Variants in SMIM14 observed in about 807,000 individuals in gnomAD.
SMIM14 encodes the protein small integral membrane protein 14.
A neutral mutation model predicts 12.6 loss-of-function variants in SMIM14; 5 were observed. That is an observed-to-expected ratio of 0.40 (90% CI 0.21 to 0.83). The LOEUF is 0.83. Among genes scored for constraint, SMIM14 ranks in the 40% least tolerant of loss-of-function variants. The pLI, the probability that SMIM14 is intolerant of heterozygous loss-of-function variation, is 0.37. For synonymous variants in SMIM14, 30 were observed against 40.1 expected, an observed-to-expected ratio of 0.75 and a Z score of 0.95; for missense variants, 86 against 119.1, an observed-to-expected ratio of 0.72 and a Z score of 1.29.
chr4:39,601,958 A>C (rs1448711440), intron 2 of SMIM14, among the ~76,000 whole-genome samples: 2 of 146,384 alleles, frequency 1.4e-5, no homozygotes, highest in African/African-American at 4.9e-5. Flanking sequence ...AAAAAAAAAA[A>C]ACAAAAAAAA....
chr4:39,628,716 TTTTC>T (rs1715793293), intron 1 of SMIM14, among the ~76,000 whole-genome samples: 2 of 147,718 alleles, frequency 1.4e-5, no homozygotes, highest in Admixed American at 6.7e-5. Context: ...AGGAAAATGT[TTTTC>T]TTTTTTTTTT....
chr4:39,620,295 C>T (rs1457967115), intron 1 of SMIM14, among the ~76,000 whole-genome samples: 3 of 151,798 alleles, frequency 2.0e-5, no homozygotes, highest in Non-Finnish European at 2.9e-5. Flanking sequence ...CTGCCTAACA[C>T]GCTGAAACCC....
intron 2 of SMIM14, among the ~76,000 whole-genome samples, chr4:39,601,709 G>A (rs140766559): frequency 2.3e-4 from 35 of 152,310 alleles, no homozygotes; most frequent in African/African-American, 8.2e-4. Flanking sequence ...CACTTTGGGA[G>A]GCTAAGGCGG....
chr4:39,548,415 A>G lies in SMIM14; in HGVS notation c.*3711T>C, dbSNP rs1457312504. 2 of 150,084 alleles carry G rather than the reference A, an allele frequency of 1.3e-5. No individual in the cohort carries two copies. Among genetic ancestry groups the G allele is most frequent in the Non-Finnish European group, 3.0e-5 (2 of 67,598 alleles). 9.3% of individuals were successfully genotyped at this position (150,084 alleles called of 1,614,324 possible). On this transcript the variant is annotated 3_prime_UTR_variant, in exon 5 of 5. Coordinates refer to ENST00000295958, the MANE Select transcript of SMIM14 (RefSeq NM_174921.3). ...TGCTATGTTGCCCAGGCTAGTCTCA[A>G]ACTCCTGGGCTCAAGCAGTTCTTGC...
intron 2 of SMIM14, among the ~76,000 whole-genome samples, chr4:39,577,158 TCTC>T (rs1035145850): frequency 1.8e-4 from 28 of 152,122 alleles, no homozygotes; most frequent in African/African-American, 6.7e-4. Context: ...AGCACTAATC[TCTC>T]CTCCTTCCAC....
At chr4:39,618,665 C>CA (rs1334213228) in intron 1 of SMIM14, among the ~76,000 whole-genome samples, 303 of 112,588 alleles carry the variant, frequency 2.7e-3, no homozygotes, top group East Asian at 6.4e-3. Flanking sequence ...AAAAAAAAAA[C>CA]AAAAAAAAAA....
chr4:39,555,931 T>C (rs1158331333), intron 4 of SMIM14, among the ~76,000 whole-genome samples: 1 of 152,146 alleles, frequency 6.6e-6, no homozygotes, highest in Non-Finnish European at 1.5e-5. Flanking sequence ...GATTATGAAA[T>C]GGATTATTTT....
intron 2 of SMIM14, among the ~76,000 whole-genome samples, chr4:39,591,260 C>A (rs1482724342): frequency 2.6e-5 from 4 of 151,836 alleles, no homozygotes; most frequent in Non-Finnish European, 4.4e-5. Flanking sequence ...CCAGAGAGCA[C>A]AGGTATGAAG....
intron 2 of SMIM14, among the ~76,000 whole-genome samples, chr4:39,578,439 G>A (rs1008178727): frequency 3.3e-5 from 5 of 152,076 alleles, no homozygotes; most frequent in Non-Finnish European, 7.4e-5. Context: ...CTACTCCAAA[G>A]GGAAACAATT....
At chr4:39,567,907 A>G (rs1463355531) in intron 3 of SMIM14, among the ~76,000 whole-genome samples, 1 of 152,160 alleles carries the variant, frequency 6.6e-6, no homozygotes, top group African/African-American at 2.4e-5. Context: ...CCTGTCTCAA[A>G]ACAAAACAAA....
At chr4:39,575,189 C>T (rs1166040529) in intron 2 of SMIM14, among the ~76,000 whole-genome samples, 2 of 149,352 alleles carry the variant, frequency 1.3e-5, no homozygotes, top group African/African-American at 4.9e-5. Flanking sequence ...TCCCAAGTAG[C>T]TGGGACTACA....
At chr4:39,592,550 C>T (rs950018508) in intron 2 of SMIM14, 1 of 151,948 alleles carries the variant, frequency 6.6e-6, no homozygotes, top group African/African-American at 2.4e-5. Flanking sequence ...AGAACAAATC[C>T]TACCAATTTA....
chr4:39,589,454 G>A (rs1037282080), intron 2 of SMIM14: 1 of 152,142 alleles, frequency 6.6e-6, no homozygotes, highest in Non-Finnish European at 1.5e-5. Flanking sequence ...TTGAAATACA[G>A]AGCTCAACAA....
At chr4:39,632,828 A>AC (rs1261898736) in intron 1 of SMIM14, among the ~76,000 whole-genome samples, 2 of 148,004 alleles carry the variant, frequency 1.4e-5, no homozygotes, top group Admixed American at 1.4e-4. Context: ...CACACACACA[A>AC]AAGAAAAAGA....
chr4:39,575,319 A>G (rs1280309933), intron 2 of SMIM14, among the ~76,000 whole-genome samples: 1 of 152,074 alleles, frequency 6.6e-6, no homozygotes, highest in Non-Finnish European at 1.5e-5. Context: ...CTGGGATTAC[A>G]GGCATGTGCC....
chr4:39,626,003 G>A (rs1207055587), intron 1 of SMIM14, among the ~76,000 whole-genome samples: 1 of 152,212 alleles, frequency 6.6e-6, no homozygotes, highest in Non-Finnish European at 1.5e-5. Flanking sequence ...TGGCAGCACA[G>A]CAGAAGGAGG....
chr4:39,551,868 AG>A lies in SMIM14; in HGVS notation c.*257del, dbSNP rs2109975487. On this transcript the variant is annotated 3_prime_UTR_variant, in exon 5 of 5. Coordinates refer to ENST00000295958, the MANE Select transcript of SMIM14 (RefSeq NM_174921.3). The stretch of plus-strand genomic sequence containing the variant: ...GAATGAGTGGAATGTTTGTAAGTTT[AG>A]GACAACCAAAAAAGCCCCATGTAAC... The A allele has an allele frequency of 3.3e-6, 1 of 305,410 alleles. No homozygotes were observed. Among genetic ancestry groups the A allele is most frequent in the African/African-American group, 2.2e-5 (1 of 46,184 alleles). 18.9% of individuals were successfully genotyped at this position (305,410 alleles called of 1,614,324 possible).
chr4:39,553,730 A>G (rs1422306516), intron 4 of SMIM14, among the ~76,000 whole-genome samples: 3 of 151,574 alleles, frequency 2.0e-5, no homozygotes, highest in African/African-American at 7.3e-5. Flanking sequence ...AGTAGCTGGG[A>G]TTACAGGCAC....
chr4:39,586,725 AG>A (rs1008313503), intron 2 of SMIM14, among the ~76,000 whole-genome samples: 2 of 152,118 alleles, frequency 1.3e-5, no homozygotes, highest in Non-Finnish European at 2.9e-5. Context: ...ACCCGTTTTT[AG>A]GTATTTGTTA....
Sources: gnomAD v4.1 joint callset for allele counts (sites outside exome capture counted in the v4.1 genomes callset) on GRCh38, gnomAD v4.1.1 for gene constraint, MANE v1.5 for transcripts, NCBI Gene and HGNC (gene_info 2026-07-23, HGNC 2026-07-21) for gene names.